The following CACNA1C variants were observed in gnomAD, a reference collection of about 807,000 sequenced individuals.
CACNA1C encodes voltage-dependent L-type calcium channel subunit alpha-1C.
A neutral mutation model predicts 229.0 loss-of-function variants in CACNA1C; 30 were observed. The observed-to-expected ratio is 0.13, with a 90% CI of 0.10 to 0.18. The LOEUF (loss-of-function observed/expected upper bound fraction) is 0.18, where lower values mean the gene tolerates loss of function less well. CACNA1C is among the 10% of genes least tolerant of loss of function. The pLI, the probability that CACNA1C is intolerant of heterozygous loss-of-function variation, is 1.00. For synonymous variants in CACNA1C, 1,114 were observed against 1,132.5 expected (o/e 0.98, Z 0.33); for missense variants, 1,658 against 2,845.0 (o/e 0.58, Z 9.49).
chr12:1,996,616 TAAAAAAAAAAAAAAAAAAAAAA>T (rs78563698), intron 1 of CACNA1C, among the ~76,000 whole-genome samples: 3 of 18,844 alleles, frequency 1.6e-4, no homozygotes, highest in South Asian at 2.9e-3. Flanking sequence ...GCTGATGAGC[TAAAAAAAAAAAAAAAAAAAAAA>T]AAAAAAAAAA....
At chr12:2,574,881 A>T (rs1009362044) in intron 13 of CACNA1C, among the ~76,000 whole-genome samples, 1 of 152,328 alleles carries the variant, frequency 6.6e-6, no homozygotes, top group East Asian at 1.9e-4. Context: ...TGTCAACACA[A>T]TGGGTGGTTC....
In CACNA1C at chr12:2,285,483, C is replaced by T. The variant is rs756132960; in HGVS notation, c.478-163493C>T. Among the ~76,000 whole-genome samples, 4 of 152,146 alleles carry T rather than the reference C, an allele frequency of 2.6e-5. No homozygotes were observed. The highest frequency in any genetic ancestry group is 7.2e-5 in the African/African-American group (3 of 41,424). On this transcript the variant is annotated intron_variant, in intron 3 of 46. Coordinates refer to ENST00000399655, the MANE Select transcript of CACNA1C (RefSeq NM_000719.7). The surrounding 1 kb of genome is among the most constrained non-coding windows in gnomAD (Gnocchi z 4.2). ...GAAATGGCAGCCTTCCTTCCTTGCC[C>T]ATAGCCTGTGCCGGCTACAACTCAG...
chr12:2,584,426 C>G (rs2061675306), intron 15 of CACNA1C, 77 bp from the exon 16 acceptor site: 1 of 981,580 alleles, frequency 1.0e-6, no homozygotes, highest in Non-Finnish European at 1.6e-6. Flanking sequence ...ACCCTGCACG[C>G]CCCACATCCC....
Position 2,678,289 on chromosome 12 carries a change from T to C in CACNA1C, c.5091+422T>C, listed in dbSNP as rs1369102773. ...AGACCTGGTAATATTAAGCTTGCAT[T>C]CCCACAGGGCAGCAGAGGGCCGGAG... On this transcript the variant is annotated intron_variant, in intron 41 of 46. Coordinates refer to ENST00000399655, the MANE Select transcript of CACNA1C (RefSeq NM_000719.7). This position sits in a 1 kb window ranked among gnomAD's most constrained non-coding sequence, Gnocchi z 4.1. 6.6e-6 allele frequency among the ~76,000 whole-genome samples: 1 copy of C among 152,156 alleles called. No homozygotes were observed. Among genetic ancestry groups the C allele is most frequent in the Non-Finnish European group, 1.5e-5 (1 of 68,020 alleles).
In CACNA1C at chr12:2,205,736, C is replaced by T. The variant is rs1405139237; in HGVS notation, c.477+85306C>T. Among the ~76,000 whole-genome samples the T allele has an allele frequency of 5.3e-5, 8 of 152,060 alleles. 1 individual carries two copies. The highest frequency in any genetic ancestry group is 1.3e-4 in the Admixed American group (2 of 15,280). On this transcript the variant is annotated intron_variant, in intron 3 of 46. Coordinates refer to ENST00000399655, the MANE Select transcript of CACNA1C (RefSeq NM_000719.7). ...TGCTCAGGCTCCTATAACAAAATAC[C>T]GCAGTGGGGGGACTACAAAGACGGA...
Position 2,651,751 on chromosome 12 carries a change from TTCA to T in CACNA1C, c.4061_4063del (p.Ile1354del). On this transcript the variant is annotated inframe_deletion, in exon 32 of 47. Coordinates refer to ENST00000399655, the MANE Select transcript of CACNA1C (RefSeq NM_000719.7). The surrounding 1 kb of genome is among the most constrained non-coding windows in gnomAD (Gnocchi z 5.4). Reference sequence around the variant, plus strand: ...GGGCATCCGGACGCTGCTGTGGACCTTCATCAAGTCCTTCCAGGTAGCCGCCCC... The same window carrying T: ...GGGCATCCGGACGCTGCTGTGGACCTTCAAGTCCTTCCAGGTAGCCGCCCC... The T allele has an allele frequency of 6.2e-7, 1 of 1,610,516 alleles. No homozygotes were observed. Among genetic ancestry groups the T allele is most frequent in the Non-Finnish European group, 8.5e-7 (1 of 1,177,584 alleles).
intron 1 of CACNA1C, among the ~76,000 whole-genome samples, chr12:2,007,448 T>A (rs151062683): frequency 4.6e-4 from 70 of 152,360 alleles, no homozygotes; most frequent in African/African-American, 1.7e-3. Flanking sequence ...TGACTACAAT[T>A]GCAAAGCATT....
intron 22 of CACNA1C, among the ~76,000 whole-genome samples, chr12:2,604,409 G>A (rs1478734455): frequency 1.3e-5 from 2 of 152,118 alleles, no homozygotes; most frequent in Non-Finnish European, 2.9e-5. Context: ...CTCTGGGTGG[G>A]TTTTATGTTT....
At chr12:2,146,746 C>G (rs557059089) in intron 3 of CACNA1C, among the ~76,000 whole-genome samples, 9 of 151,434 alleles carry the variant, frequency 5.9e-5, no homozygotes, top group African/African-American at 1.7e-4. Context: ...CGTCACACAA[C>G]CAAACTCGCG....
chr12:2,315,559 G>A (rs996545599), intron 3 of CACNA1C, among the ~76,000 whole-genome samples: 1 of 152,168 alleles, frequency 6.6e-6, no homozygotes, highest in African/African-American at 2.4e-5. Flanking sequence ...TCTCATTCAG[G>A]AAAGAAACGA....
intron 13 of CACNA1C, among the ~76,000 whole-genome samples, chr12:2,580,683 G>A (rs1047659854): frequency 1.5e-4 from 23 of 152,272 alleles, no homozygotes; most frequent in East Asian, 1.3e-3. Flanking sequence ...TCCCAGGATC[G>A]CTGTATTTAT....
chr12:2,110,695 G>A (rs569971875), intron 1 of CACNA1C, among the ~76,000 whole-genome samples: 8 of 152,296 alleles, frequency 5.3e-5, no homozygotes, highest in African/African-American at 1.9e-4. Flanking sequence ...CCTGTTGTGG[G>A]TGACCCGGAG....
intron 3 of CACNA1C, among the ~76,000 whole-genome samples, chr12:2,339,695 G>A (rs747390483): frequency 1.2e-4 from 19 of 152,024 alleles, no homozygotes; most frequent in African/African-American, 4.1e-4. Context: ...CTAGACCTAC[G>A]CAGGTCATCA....
chr12:2,530,595 G>C (rs1277154794), intron 9 of CACNA1C, among the ~76,000 whole-genome samples: 2 of 152,214 alleles, frequency 1.3e-5, no homozygotes, highest in African/African-American at 4.8e-5. Flanking sequence ...AGTGGGTTCA[G>C]AGAACAGAAC....
intron 1 of CACNA1C, among the ~76,000 whole-genome samples, chr12:1,996,531 A>C (rs557307465): frequency 1.3e-5 from 2 of 148,946 alleles, no homozygotes; most frequent in African/African-American, 5.0e-5. Flanking sequence ...AGGGGTGTCC[A>C]ATCTTTTGGC....
chr12:2,567,434 T>G (rs1204100673), intron 12 of CACNA1C, 135 bp from the exon 13 acceptor site: 1 of 615,820 alleles, frequency 1.6e-6, no homozygotes, highest in African/African-American at 1.8e-5. Context: ...ACTTCTGTTC[T>G]GGCCGAGGTG....
At chr12:2,436,398 T>C (rs1304723091) in intron 3 of CACNA1C, among the ~76,000 whole-genome samples, 1 of 152,166 alleles carries the variant, frequency 6.6e-6, no homozygotes, top group East Asian at 1.9e-4. Flanking sequence ...CCCCGGCCTC[T>C]CTAAGAGCTG....
At chr12:2,315,147 A>G (rs1041882846) in intron 3 of CACNA1C, among the ~76,000 whole-genome samples, 1 of 152,164 alleles carries the variant, frequency 6.6e-6, no homozygotes, top group Non-Finnish European at 1.5e-5. Flanking sequence ...CCCCCAACCC[A>G]TTCTATAGCT....
At position 2,275,226 on chromosome 12, in the gene CACNA1C, A is replaced by G. The variant is rs959747411; in HGVS notation, c.477+154796A>G. Reference sequence around the variant, plus strand: ...TGCTAGCTAGCAGTCATCATCAGCAATGTTAGCCCGGCAAACGTGATCTTT... The same window carrying G: ...TGCTAGCTAGCAGTCATCATCAGCAGTGTTAGCCCGGCAAACGTGATCTTT... On this transcript the variant is annotated intron_variant, in intron 3 of 46. Coordinates refer to ENST00000399655, the MANE Select transcript of CACNA1C (RefSeq NM_000719.7). The surrounding 1 kb of genome is among the most constrained non-coding windows in gnomAD (Gnocchi z 4.1). Among the ~76,000 whole-genome samples the G allele has an allele frequency of 1.3e-5, 2 of 152,120 alleles. No individual in the cohort carries two copies. The highest frequency in any genetic ancestry group is 2.1e-4 in the South Asian group (1 of 4,834).
Sources: allele counts gnomAD v4.1 joint callset (sites outside exome capture counted in the v4.1 genomes callset), GRCh38; gene constraint gnomAD v4.1.1; non-coding constraint Gnocchi (gnomAD v3.1); transcripts MANE v1.5; gene names NCBI Gene and HGNC (gene_info 2026-07-23, HGNC 2026-07-21).